The following NLRP12 variants were observed in gnomAD, a reference collection of about 807,000 sequenced individuals.
The protein encoded by NLRP12 is NACHT, LRR and PYD domains-containing protein 12.
Under a neutral mutation model 91.2 loss-of-function variants are expected in NLRP12, and 108 were observed. The observed-to-expected ratio is 1.18, with a 90% CI of 1.01 to 1.39. The LOEUF (loss-of-function observed/expected upper bound fraction) is 1.39. Among genes scored for constraint, NLRP12 ranks in the 40% most tolerant of loss-of-function variants. The pLI is 0.00. For missense variants in NLRP12, 1,530 were observed against 1,352.7 expected, an observed-to-expected ratio of 1.13 and a Z score of -2.06; for synonymous variants, 613 against 566.7, an observed-to-expected ratio of 1.08 and a Z score of -1.16.
rs767255973 is a variant in NLRP12, at chr19:53,810,397, C to T, written c.1262G>A (p.Gly421Glu). ...CCTGGACGTCTGTCTCAACAGCCCC[C>T]CACCCTCCAGCTGCTGCTGGAGGCA... ...CTCLQQQLEG[G>E]GLLRQTSRTT... The change falls in exon 3 of 10, where the codon GGG (glycine) becomes GAG (glutamate). Residue 421 changes from glycine (G) to glutamate (E), a missense_variant. Transcript: ENST00000324134. The T allele has an allele frequency of 1.9e-6, 3 of 1,613,736 alleles. No individual in the cohort carries two copies. Among genetic ancestry groups the T allele is most frequent in the Admixed American group, 1.7e-5 (1 of 59,986 alleles).
rs531421246 is a variant in NLRP12 at position 53,807,735 on chromosome 19, T to C, written c.2073-70A>G. 112 of 1,553,588 alleles carry C rather than the reference T, an allele frequency of 7.2e-5. No individual in the cohort carries two copies. In the African/African-American group the frequency reaches 1.3e-3, roughly 18 times the overall value. ...TGACAACTATGGCCTTTGCATGTCA[T>C]TTCACCGTTTATGAAGCATGCTATC... is the stretch of plus-strand genomic sequence containing the variant. On this transcript the variant is annotated intron_variant, in intron 3 of 9. Transcript: ENST00000324134.
At chr19:53,823,469 A>ATG (rs1555800018) in intron 1 of NLRP12, among the ~76,000 whole-genome samples, 2 of 106,632 alleles carry the variant, frequency 1.9e-5, no homozygotes, top group African/African-American at 3.5e-5. Flanking sequence ...TTAAATATAT[A>ATG]TTTAAAATAT....
chr19:53,810,164 T>C lies in NLRP12; in HGVS notation c.1495A>G (p.Ile499Val), dbSNP rs146903616. 5.0e-5 allele frequency: 81 copies of C among 1,613,984 alleles called. No homozygotes were observed. In the African/African-American group the frequency reaches 9.9e-4, roughly 20 times the overall value. The part of the protein sequence containing the change: ...EDVSAFLNMN[I>V]FQKDINCERY... ...TCACAGTTGATGTCCTTCTGGAAGATGTTCATGTTGAGGAAGGCAGAGACG... is the reference window on the plus strand; with the variant it reads ...TCACAGTTGATGTCCTTCTGGAAGACGTTCATGTTGAGGAAGGCAGAGACG... The change falls in exon 3 of 10, where the codon ATC becomes GTC. Residue 499 changes from isoleucine (I) to valine (V), a missense_variant. Transcript: ENST00000324134.
At chr19:53,822,422 G>A (rs1471287877) in intron 1 of NLRP12, among the ~76,000 whole-genome samples, 1 of 151,896 alleles carries the variant, frequency 6.6e-6, no homozygotes, top group Non-Finnish European at 1.5e-5. Flanking sequence ...TTCAAGACCA[G>A]CCCGGGCAAC....
At chr19:53,814,662 C>T (rs1318541760) in intron 2 of NLRP12, among the ~76,000 whole-genome samples, 4 of 152,222 alleles carry the variant, frequency 2.6e-5, no homozygotes, top group African/African-American at 9.6e-5. Context: ...CTTAGCCTTC[C>T]TTGTTGCCCC....
chr19:53,812,979 C>T (rs572712423), intron 2 of NLRP12, among the ~76,000 whole-genome samples: 1 of 150,672 alleles, frequency 6.6e-6, no homozygotes, highest in South Asian at 2.1e-4. Context: ...CTCCCAGGCT[C>T]AAGTGATTCT....
At chr19:53,803,881 G>A in intron 6 of NLRP12, 71 bp downstream of exon 6, 1 of 1,484,236 alleles carries the variant, frequency 6.7e-7, no homozygotes, top group Non-Finnish European at 9.4e-7. Context: ...ACCTGTGGAT[G>A]CATTTTTATA....
chr19:53,804,180 C>G, intron 5 of NLRP12, 58 bp from the exon 6 acceptor site: 1 of 1,565,170 alleles, frequency 6.4e-7, no homozygotes, highest in East Asian at 2.3e-5. Flanking sequence ...GTCGTGATCA[C>G]TCATGCTCCA....
chr19:53,822,397 G>A (rs566654310), intron 1 of NLRP12, among the ~76,000 whole-genome samples: 7 of 151,912 alleles, frequency 4.6e-5, no homozygotes, highest in Admixed American at 3.9e-4. Flanking sequence ...GTGGAAGCTC[G>A]CTTGAGCCCA....
chr19:53,814,481 A>G (rs1390567215), intron 2 of NLRP12, among the ~76,000 whole-genome samples: 2 of 152,064 alleles, frequency 1.3e-5, no homozygotes, highest in Non-Finnish European at 2.9e-5. Context: ...GCCTCTGAGT[A>G]GCTGGGACTA....
chr19:53,804,623 C>T (rs1404648508), intron 5 of NLRP12, among the ~76,000 whole-genome samples: 2 of 150,108 alleles, frequency 1.3e-5, no homozygotes, highest in Non-Finnish European at 3.0e-5. Flanking sequence ...GTTGGCCAGG[C>T]TGGTCTCGAA....
At chr19:53,805,521 C>CTTTT (rs34166148) in intron 4 of NLRP12, 71 bp from the exon 5 acceptor site, 349 of 1,178,704 alleles carry the variant, frequency 3.0e-4, no homozygotes, top group Middle Eastern at 5.6e-4. Flanking sequence ...TTTTCTTTTG[C>CTTTT]TTTTTTTTTT....
chr19:53,808,555 A>T (rs2092000210), intron 3 of NLRP12: 1 of 152,026 alleles, frequency 6.6e-6, no homozygotes, highest in Non-Finnish European at 1.5e-5. Context: ...CTAAAAAAAT[A>T]CAAAAATTAG....
chr19:53,802,312 G>A (rs1057127939), intron 6 of NLRP12, among the ~76,000 whole-genome samples: 1 of 152,120 alleles, frequency 6.6e-6, no homozygotes, highest in Non-Finnish European at 1.5e-5. Flanking sequence ...TGGCCAAAAA[G>A]CACCTGAAAA....
At chr19:53,796,542 C>T (rs530942607) in intron 8 of NLRP12, among the ~76,000 whole-genome samples, 116 of 152,114 alleles carry the variant, frequency 7.6e-4, no homozygotes, top group South Asian at 7.5e-3. Flanking sequence ...CCACTGTGCC[C>T]GGCCGTAATT....
chr19:53,816,602 A>C (rs543293526), intron 1 of NLRP12, among the ~76,000 whole-genome samples: 1 of 151,956 alleles, frequency 6.6e-6, no homozygotes, highest in Non-Finnish European at 1.5e-5. Context: ...GCTCACTACA[A>C]TCTTCACCTC....
chr19:53,809,803 T>C lies in NLRP12; in HGVS notation c.1856A>G (p.Glu619Gly), dbSNP rs1220115566. 2.0e-5 allele frequency: 32 copies of C among 1,614,024 alleles called. No individual in the cohort carries two copies. Among genetic ancestry groups the C allele is most frequent in the African/African-American group, 2.7e-5 (2 of 75,032 alleles). ...CTGGATAAACTCCTCCTCCTGGATC[T>C]CGTACAAGCAGCTGAAGAACTCCAA... ...GSLEFFSCLY[E>G]IQEEEFIQQA... Residue 619 changes from glutamate (E) to glycine (G), a missense_variant, in exon 3 of 10, where the codon GAG becomes GGG. Glu to Gly is a moderately conservative substitution (Grantham distance 98). Coordinates refer to ENST00000324134, the MANE Select transcript of NLRP12 (RefSeq NM_144687.4).
chr19:53,811,435 ACC>A, intron 2 of NLRP12, 147 bp from the exon 3 acceptor site: 1 of 898,172 alleles, frequency 1.1e-6, no homozygotes, highest in South Asian at 1.4e-5. Context: ...AATCACTTGA[ACC>A]CCTGAGGTGG....
intron 8 of NLRP12, among the ~76,000 whole-genome samples, chr19:53,797,395 T>C (rs539010346): frequency 1.7e-4 from 26 of 152,104 alleles, no homozygotes; most frequent in African/African-American, 6.3e-4. Context: ...AGTGCTGGGA[T>C]TACAGGCATG....
Sources: allele counts gnomAD v4.1 joint callset (sites outside exome capture counted in the v4.1 genomes callset), GRCh38; gene constraint gnomAD v4.1.1; transcripts MANE v1.5; gene names NCBI Gene and HGNC (gene_info 2026-07-23, HGNC 2026-07-21).